The following GTF2A1 variants were observed in gnomAD, a reference collection of about 807,000 sequenced individuals.
GTF2A1 encodes the protein transcription initiation factor IIA subunit 1.
In GTF2A1, 12 loss-of-function variants were observed where a neutral mutation model predicts 54.1. The observed-to-expected ratio is 0.22, with a 90% CI of 0.14 to 0.36. GTF2A1 has a LOEUF of 0.36. GTF2A1 is among the 10% of genes least tolerant of loss of function. The pLI, the probability that GTF2A1 is intolerant of heterozygous loss-of-function variation, is 1.00. For synonymous variants in GTF2A1, 145 were observed against 152.0 expected (o/e 0.95, Z 0.34); for missense variants, 335 against 442.2 (o/e 0.76, Z 2.17).
intron 2 of GTF2A1, among the ~76,000 whole-genome samples, chr14:81,212,367 C>T (rs769275193): frequency 7.9e-5 from 12 of 152,242 alleles, no homozygotes; most frequent in African/African-American, 2.2e-4. Flanking sequence ...CATTTACATT[C>T]GAATATAGAT....
intron 6 of GTF2A1, among the ~76,000 whole-genome samples, chr14:81,194,814 G>A (rs1375634869): frequency 6.6e-6 from 1 of 152,200 alleles, no homozygotes; most frequent in Non-Finnish European, 1.5e-5. Context: ...GCTCTTCTCA[G>A]TAGGCAATGA....
intron 6 of GTF2A1, among the ~76,000 whole-genome samples, chr14:81,194,651 A>G (rs2140155763): frequency 6.6e-6 from 1 of 152,390 alleles, no homozygotes; most frequent in South Asian, 2.1e-4. Flanking sequence ...TTAGTGCCAC[A>G]GCACAAGAAT....
At chr14:81,212,382 T>C (rs1432042617) in intron 2 of GTF2A1, among the ~76,000 whole-genome samples, 2 of 152,220 alleles carry the variant, frequency 1.3e-5, no homozygotes, top group African/African-American at 4.8e-5. Flanking sequence ...ATAGATTTAC[T>C]GAAAACCAGG....
rs1212397922 is a variant in GTF2A1, at chr14:81,176,975, G to A, written c.*3248C>T. 6.6e-6 allele frequency: 1 copy of A among 151,948 alleles called. No homozygotes were observed. Among genetic ancestry groups the A allele is most frequent in the African/African-American group, 2.4e-5 (1 of 41,364 alleles). 9.4% of individuals were successfully genotyped at this position (151,948 alleles called of 1,614,324 possible). A position where few individuals can be genotyped will look rare whatever the true frequency, so the allele number is the denominator to read the frequency against. On this transcript the variant is annotated 3_prime_UTR_variant, in exon 9 of 9. Coordinates refer to ENST00000553612, the MANE Select transcript of GTF2A1 (RefSeq NM_015859.4). ...GGGTATTTACCCTCTGATAAGAATGGTGACATTATTGCTATGAGAATCAAA... is the reference window on the plus strand; with the variant it reads ...GGGTATTTACCCTCTGATAAGAATGATGACATTATTGCTATGAGAATCAAA...
At position 81,220,952 on chromosome 14, in the gene GTF2A1, C is replaced by CGCG. The variant is rs964798228; in HGVS notation, c.-435_-434insCGC. On this transcript the variant is annotated 5_prime_UTR_variant, in exon 1 of 9. Transcript: ENST00000553612. ...CCACCACCGCCGCCGCCGCCGCCGCCGAGAGACAGGGTGAAGGGGGAGGGA... is the reference window on the plus strand; with the variant it reads ...CCACCACCGCCGCCGCCGCCGCCGCCGCGGAGAGACAGGGTGAAGGGGGAGGGA... 13 of 169,120 alleles carry CGCG rather than the reference C, an allele frequency of 7.7e-5. No individual in the cohort carries two copies. The East Asian group carries it at 1.2e-3, about 15-fold the overall frequency. 10.5% of individuals were successfully genotyped at this position (169,120 alleles called of 1,614,324 possible). A position where few individuals can be genotyped will look rare whatever the true frequency, so the allele number is the denominator to read the frequency against.
rs1892547328 is a variant in GTF2A1 at position 81,177,202 on chromosome 14, CAAGA to C, written c.*3017_*3020del. The C allele has an allele frequency of 1.3e-5, 2 of 152,050 alleles. No individual in the cohort carries two copies. Among genetic ancestry groups the C allele is most frequent in the Admixed American group, 1.3e-4 (2 of 15,252 alleles). 9.4% of individuals were successfully genotyped at this position (152,050 alleles called of 1,614,324 possible). A position where few individuals can be genotyped will look rare whatever the true frequency, so the allele number is the denominator to read the frequency against. ...CTCAAGTCTTGATGTAATCTTAGAA[CAAGA>C]AAGTGGCTTTGCTTTTAAAAGAGGC... On this transcript the variant is annotated 3_prime_UTR_variant, in exon 9 of 9. Coordinates refer to ENST00000553612, the MANE Select transcript of GTF2A1 (RefSeq NM_015859.4).
chr14:81,181,397 C>A (rs1330839828), intron 8 of GTF2A1, among the ~76,000 whole-genome samples: 1 of 151,150 alleles, frequency 6.6e-6, no homozygotes, highest in Non-Finnish European at 1.5e-5. Flanking sequence ...GAAGAAATGA[C>A]AGATTGGATA....
At chr14:81,194,165 C>T (rs1020268010) in intron 6 of GTF2A1, among the ~76,000 whole-genome samples, 2 of 152,208 alleles carry the variant, frequency 1.3e-5, no homozygotes, top group African/African-American at 4.8e-5. Flanking sequence ...ACTCTGCTTC[C>T]TGTCAGATCA....
At chr14:81,216,312 C>T in intron 2 of GTF2A1, 101 bp downstream of exon 2, 1 of 647,348 alleles carries the variant, frequency 1.5e-6, no homozygotes. Flanking sequence ...CTTCACTCAA[C>T]TATACGTTCA....
chr14:81,192,486 T>C (rs1446551585), intron 7 of GTF2A1, 33 bp downstream of exon 7: 4 of 1,508,432 alleles, frequency 2.7e-6, no homozygotes, highest in Non-Finnish European at 3.6e-6. Context: ...AATAATCAAG[T>C]AGATTATTTT....
Position 81,180,235 on chromosome 14 carries a change from A to T in GTF2A1, c.1119T>A (p.Asp373Glu). The change falls in exon 9 of 9, where the codon GAT (aspartate) becomes GAA (glutamate). Residue 373 changes from aspartate to glutamate, a missense_variant. This residue lies in a region of GTF2A1 where 29 missense variants were observed against 81.7 expected (regional missense o/e 0.35). Transcript: ENST00000553612. ...AAAAAGCAACTCTTCACCATTCTGC[A>T]TCTCCAATGGCTTTGGAAAATATAT... Reference protein sequence around the residue: ...RDYIFSKAIGDAEW With the variant: ...RDYIFSKAIGEAEW The T allele has an allele frequency of 8.0e-7, 1 of 1,253,874 alleles. No homozygotes were observed. Among genetic ancestry groups the T allele is most frequent in the Non-Finnish European group, 1.1e-6 (1 of 882,998 alleles). 77.7% of individuals were successfully genotyped at this position (1,253,874 alleles called of 1,614,324 possible). A position where few individuals can be genotyped will look rare whatever the true frequency, so the allele number is the denominator to read the frequency against.
At chr14:81,205,342 C>G (rs1360527359) in intron 2 of GTF2A1, among the ~76,000 whole-genome samples, 1 of 152,122 alleles carries the variant, frequency 6.6e-6, no homozygotes, top group Non-Finnish European at 1.5e-5. Context: ...ATGCTAGTAA[C>G]AGTTCCACTA....
intron 7 of GTF2A1, among the ~76,000 whole-genome samples, chr14:81,189,616 A>G (rs957314782): frequency 6.6e-6 from 1 of 152,160 alleles, no homozygotes; most frequent in Non-Finnish European, 1.5e-5. Context: ...GCATGCAGTG[A>G]GCAGAGATAG....
At chr14:81,192,276 C>T (rs955152272) in intron 7 of GTF2A1, among the ~76,000 whole-genome samples, 3 of 152,104 alleles carry the variant, frequency 2.0e-5, no homozygotes, top group African/African-American at 7.2e-5. Flanking sequence ...CATATTAATA[C>T]AATTTAATTT....
intron 2 of GTF2A1, among the ~76,000 whole-genome samples, chr14:81,211,875 T>TATATATATATATATATATATATATATA (rs1419902730): frequency 2.9e-5 from 2 of 68,492 alleles, no homozygotes; most frequent in South Asian, 4.4e-4. Context: ...ATCAAGTACT[T>TATATATATATATATATATATATATATA]TATATATATA....
In GTF2A1 at chr14:81,215,943, C is replaced by A. The variant is rs117556674; in HGVS notation, c.132+470G>T. Among the ~76,000 whole-genome samples the A allele has an allele frequency of 1.5e-3, 223 of 152,284 alleles. 8 individuals are homozygous for A. In the East Asian group the frequency reaches 0.039, roughly 27 times the overall value. On this transcript the variant is annotated intron_variant, in intron 2 of 8. Coordinates refer to ENST00000553612, the MANE Select transcript of GTF2A1 (RefSeq NM_015859.4). ...CCAGGGGTGGGAGGATGGTTTGAGT[C>A]TGGGAGGCAGAGGTTGCAGTAAGTC...
rs550661335 is a variant in GTF2A1, at chr14:81,220,184, G to A, written c.30+305C>T. Among the ~76,000 whole-genome samples, 1,032 of 148,068 alleles carry A rather than the reference G, an allele frequency of 7.0e-3. 12 individuals are homozygous for A. The highest frequency in any genetic ancestry group is 0.024 in the African/African-American group (960 of 40,730). Reference sequence around the variant, plus strand: ...TCCCGCCCTCCCTCCCGGCGGCCGGGTTCTGGGGCCGGGGCTGCGCGCCCG... The same window carrying A: ...TCCCGCCCTCCCTCCCGGCGGCCGGATTCTGGGGCCGGGGCTGCGCGCCCG... On this transcript the variant is annotated intron_variant, in intron 1 of 8. Coordinates refer to ENST00000553612, the MANE Select transcript of GTF2A1 (RefSeq NM_015859.4).
chr14:81,196,247 G>C lies in GTF2A1; in HGVS notation c.479-6C>G. ...GACCACCTGAAGAAGCTGGCCTAAA[G>C]CAAAAAGCATGCATTCCGAGTTATC... On this transcript the variant is annotated splice_region_variant and splice_polypyrimidine_tract_variant and intron_variant, in intron 5 of 8. Coordinates refer to ENST00000553612, the MANE Select transcript of GTF2A1 (RefSeq NM_015859.4). 1 of 1,613,832 alleles carries C rather than the reference G, an allele frequency of 6.2e-7. No homozygotes were observed. The highest frequency in any genetic ancestry group is 8.5e-7 in the Non-Finnish European group (1 of 1,179,862).
chr14:81,204,048 C>T lies in GTF2A1; in HGVS notation c.189G>A (p.Glu63=), dbSNP rs930141262. ...SRAVDGFHSE[E]QQLLLQVQQQ... Reference sequence around the variant, plus strand: ...GTTGAACTTGCAGTAGAAGCTGCTGCTCTTCTGAATGAAATCCATCTACTG... The same window carrying T: ...GTTGAACTTGCAGTAGAAGCTGCTGTTCTTCTGAATGAAATCCATCTACTG... The change falls in exon 3 of 9, where the codon GAG becomes GAA. Residue 63 remains glutamate (E), a synonymous_variant. Transcript: ENST00000553612. 5 of 1,613,692 alleles carry T rather than the reference C, an allele frequency of 3.1e-6. No homozygotes were observed. In the African/African-American group the frequency reaches 5.3e-5, roughly 17 times the overall value.
Sources: allele counts gnomAD v4.1 joint callset (sites outside exome capture counted in the v4.1 genomes callset), GRCh38; gene constraint gnomAD v4.1.1; regional missense constraint gnomAD v4.1.1; transcripts MANE v1.5; gene names NCBI Gene and HGNC (gene_info 2026-07-23, HGNC 2026-07-21).